The following MYCBP2 variants were observed in gnomAD, a reference collection of about 807,000 sequenced individuals.
MYCBP2 encodes MYC binding protein 2.
A neutral mutation model predicts 525.3 loss-of-function variants in MYCBP2; 120 were observed. That is an observed-to-expected ratio of 0.23 (90% CI 0.20 to 0.27). The LOEUF is 0.27. MYCBP2 is among the 10% of genes least tolerant of loss of function. MYCBP2 has a pLI of 1.00. For synonymous variants in MYCBP2, 1,894 were observed against 1,955.8 expected, an observed-to-expected ratio of 0.97 and a Z score of 0.83; for missense variants, 4,149 against 5,657.1, an observed-to-expected ratio of 0.73 and a Z score of 8.55.
At position 77,067,555 on chromosome 13, in the gene MYCBP2, G is replaced by A. The variant is rs780335016; in HGVS notation, c.12455+26C>T. The A allele has an allele frequency of 5.0e-6, 8 of 1,607,998 alleles. No individual in the cohort carries two copies. The South Asian group carries it at 7.7e-5, about 15-fold the overall frequency. ...CAGTAGCTCACTCTATTCTGTTTTG[G>A]TACTAAAATAGAGGCAATAACTAAC... is the stretch of plus-strand genomic sequence containing the variant. On this transcript the variant is annotated intron_variant, in intron 71 of 82. Transcript: ENST00000544440.
chr13:77,174,582 AT>A (rs1273712171), intron 36 of MYCBP2, 93 bp from the exon 37 acceptor site: 1 of 877,810 alleles, frequency 1.1e-6, no homozygotes, highest in Non-Finnish European at 1.7e-6. Flanking sequence ...ATATACTGAA[AT>A]TCTTTGTCAT....
intron 55 of MYCBP2, chr13:77,110,016 G>C (rs1481386357): frequency 1.4e-5 from 2 of 145,358 alleles, no homozygotes; most frequent in Non-Finnish European, 3.1e-5. Context: ...TGTAAAACAT[G>C]TGTGTTTGAA....
chr13:77,315,623 G>A (rs190324993), intron 1 of MYCBP2, among the ~76,000 whole-genome samples: 6 of 152,300 alleles, frequency 3.9e-5, no homozygotes, highest in South Asian at 2.1e-4. Context: ...AGCCGGGTGC[G>A]ATGGCTCACG....
Position 77,326,412 on chromosome 13 carries a change from C to T in MYCBP2, c.302+62G>A. 6.9e-7 allele frequency: 1 copy of T among 1,459,072 alleles called. No homozygotes were observed. Among genetic ancestry groups the T allele is most frequent in the Non-Finnish European group, 9.1e-7 (1 of 1,104,248 alleles). 90.4% of individuals were successfully genotyped at this position (1,459,072 alleles called of 1,614,324 possible). A position where few individuals can be genotyped will look rare whatever the true frequency, so the allele number is the denominator to read the frequency against. On this transcript the variant is annotated intron_variant, in intron 1 of 82. Transcript: ENST00000544440. The surrounding 1 kb of genome is among the most constrained non-coding windows in gnomAD (Gnocchi z 4.2). ...AAGCACACACACACGCGGGTGCACG[C>T]GCGGCATGGGGCGCAAGGAAGGGCG... is the stretch of plus-strand genomic sequence containing the variant.
At chr13:77,214,137 T>C (rs2064447233) in intron 21 of MYCBP2, among the ~76,000 whole-genome samples, 1 of 152,162 alleles carries the variant, frequency 6.6e-6, no homozygotes, top group Non-Finnish European at 1.5e-5. Flanking sequence ...AGCAGGACCA[T>C]TCCTCACCCA....
intron 4 of MYCBP2, among the ~76,000 whole-genome samples, chr13:77,275,501 A>G (rs1225367342): frequency 6.6e-6 from 1 of 152,076 alleles, no homozygotes; most frequent in East Asian, 1.9e-4. Context: ...TAAATCTCAT[A>G]TGTCACATCT....
chr13:77,283,575 G>A (rs2076416676), intron 3 of MYCBP2, among the ~76,000 whole-genome samples: 1 of 152,120 alleles, frequency 6.6e-6, no homozygotes, highest in South Asian at 2.1e-4. Context: ...GGGTTCAGAT[G>A]GGAAATATGA....
At chr13:77,047,678 C>A (rs1347338907) in intron 82 of MYCBP2, among the ~76,000 whole-genome samples, 2 of 152,146 alleles carry the variant, frequency 1.3e-5, no homozygotes, top group African/African-American at 2.4e-5. Context: ...CACGGCTGCA[C>A]AGACAGAAAA....
At chr13:77,313,145 A>G (rs989725433) in intron 1 of MYCBP2, among the ~76,000 whole-genome samples, 1 of 152,100 alleles carries the variant, frequency 6.6e-6, no homozygotes, top group Non-Finnish European at 1.5e-5. Flanking sequence ...TAAACAATAA[A>G]TTGGAAAATA....
chr13:77,075,189 C>T (rs575176847), intron 68 of MYCBP2, among the ~76,000 whole-genome samples: 2 of 152,104 alleles, frequency 1.3e-5, no homozygotes, highest in East Asian at 3.8e-4. Flanking sequence ...TCCTGGATGA[C>T]AGAGAGAGAC....
At chr13:77,069,457 C>T (rs952271676) in intron 69 of MYCBP2, among the ~76,000 whole-genome samples, 4 of 151,268 alleles carry the variant, frequency 2.6e-5, no homozygotes, top group African/African-American at 9.7e-5. Flanking sequence ...CCCGTCTCTA[C>T]TAAAAATACA....
At chr13:77,295,959 C>T (rs2078144769) in intron 2 of MYCBP2, among the ~76,000 whole-genome samples, 1 of 152,096 alleles carries the variant, frequency 6.6e-6, no homozygotes, top group Non-Finnish European at 1.5e-5. Context: ...AAATCCAAGT[C>T]CCAGTTTACA....
chr13:77,157,665 G>A (rs1172434735), intron 45 of MYCBP2, among the ~76,000 whole-genome samples: 4 of 151,944 alleles, frequency 2.6e-5, no homozygotes, highest in Admixed American at 6.6e-5. Flanking sequence ...CACAAGAATC[G>A]CTTGAGTCCA....
At chr13:77,155,236 T>C (rs574783184) in intron 46 of MYCBP2, among the ~76,000 whole-genome samples, 1 of 152,260 alleles carries the variant, frequency 6.6e-6, no homozygotes, top group East Asian at 1.9e-4. Context: ...ATTGTACTTC[T>C]TCACGCTATA....
chr13:77,295,878 A>G (rs889239895), intron 2 of MYCBP2, among the ~76,000 whole-genome samples: 11 of 152,208 alleles, frequency 7.2e-5, no homozygotes, highest in African/African-American at 2.4e-4. Context: ...CCAACAGTCA[A>G]AAGAGGCTCA....
chr13:77,268,177 GTACAGT>G (rs2074364502), intron 7 of MYCBP2, among the ~76,000 whole-genome samples: 1 of 152,164 alleles, frequency 6.6e-6, no homozygotes, highest in South Asian at 2.1e-4. Flanking sequence ...AAACAGGACA[GTACAGT>G]TACAAACATT....
At chr13:77,225,402 AACGCAGTTAT>A in intron 19 of MYCBP2, 23 bp downstream of exon 19, 1 of 1,611,928 alleles carries the variant, frequency 6.2e-7, no homozygotes, top group Non-Finnish European at 8.5e-7. Flanking sequence ...CAATTGTAAA[AACGCAGTTAT>A]ACCCTAAAGT....
intron 14 of MYCBP2, 107 bp downstream of exon 14, chr13:77,257,564 A>T: frequency 8.6e-7 from 1 of 1,168,152 alleles, no homozygotes; most frequent in Non-Finnish European, 1.2e-6. Context: ...ACAAAAAGAA[A>T]AAGAAGAGCC....
intron 46 of MYCBP2, among the ~76,000 whole-genome samples, chr13:77,151,775 A>G (rs1185811993): frequency 2.0e-5 from 3 of 152,240 alleles, no homozygotes; most frequent in Non-Finnish European, 2.9e-5. Context: ...TTCATCTACT[A>G]ACTACTATTT....
Sources: allele counts gnomAD v4.1 joint callset (sites outside exome capture counted in the v4.1 genomes callset), GRCh38; gene constraint gnomAD v4.1.1; non-coding constraint Gnocchi (gnomAD v3.1); transcripts MANE v1.5; gene names NCBI Gene and HGNC (gene_info 2026-07-23, HGNC 2026-07-21).